CCDC179: variants seen among roughly 807,000 people sequenced by gnomAD.
The protein encoded by CCDC179 is coiled-coil domain-containing protein 179.
CCDC179 carries 17 observed loss-of-function variants against 12.0 expected under a neutral mutation model. The observed-to-expected ratio is 1.42, with a 90% CI of 0.97 to 2.13. The LOEUF is 2.13. CCDC179 is among the 30% of genes most tolerant of loss of function. The pLI is 0.00. For missense variants in CCDC179, 83 were observed against 78.6 expected (o/e 1.06, Z -0.21); for synonymous variants, 27 against 26.4 (o/e 1.02, Z -0.07).
At chr11:22,859,426 A>G in intron 2 of CCDC179, 26 bp downstream of exon 2, 2 of 1,456,148 alleles carry the variant, frequency 1.4e-6, no homozygotes, top group East Asian at 2.6e-5. Context: ...AAACAACCAG[A>G]ACCTAGTTCT....
At chr11:22,858,223 G>C (rs191828262) in intron 2 of CCDC179, 197 bp from the exon 3 acceptor site, 19 of 400,302 alleles carry the variant, frequency 4.7e-5, no homozygotes, top group African/African-American at 3.1e-4. Flanking sequence ...AAACCACATT[G>C]GAGCATCAGT....
At chr11:22,856,210 T>A (rs1050383246) in intron 3 of CCDC179, among the ~76,000 whole-genome samples, 1 of 151,376 alleles carries the variant, frequency 6.6e-6, no homozygotes, top group Admixed American at 6.6e-5. Context: ...GAAAAAGATA[T>A]TAAAAGACAG....
intron 3 of CCDC179, among the ~76,000 whole-genome samples, chr11:22,853,347 A>G (rs1858456204): frequency 6.6e-6 from 1 of 152,180 alleles, no homozygotes; most frequent in Non-Finnish European, 1.5e-5. Flanking sequence ...AATTATGACA[A>G]ATATGCTAAG....
chr11:22,859,402 C>A, intron 2 of CCDC179, 50 bp downstream of exon 2: 1 of 1,302,262 alleles, frequency 7.7e-7, no homozygotes, highest in Non-Finnish European at 1.0e-6. Flanking sequence ...GAACAAGTTA[C>A]AAGCACAATG....
Position 22,860,467 on chromosome 11 carries a change from G to A in CCDC179, c.-46C>T. 6.6e-7 allele frequency: 1 copy of A among 1,513,284 alleles called. No homozygotes were observed. The highest frequency in any genetic ancestry group is 8.8e-7 in the Non-Finnish European group (1 of 1,135,700). 93.7% of individuals were successfully genotyped at this position (1,513,284 alleles called of 1,614,324 possible). A position where few individuals can be genotyped will look rare whatever the true frequency, so the allele number is the denominator to read the frequency against. On this transcript the variant is annotated 5_prime_UTR_variant, in exon 1 of 4. Transcript: ENST00000532798. ...CCCCTGACGCCTACTGCCTGTCCTGGACCAAATGATTATGGGGCCCCACAC... is the reference window on the plus strand; with the variant it reads ...CCCCTGACGCCTACTGCCTGTCCTGAACCAAATGATTATGGGGCCCCACAC...
intron 3 of CCDC179, among the ~76,000 whole-genome samples, chr11:22,856,068 A>C (rs1858523514): frequency 6.6e-6 from 1 of 151,484 alleles, no homozygotes; most frequent in East Asian, 1.9e-4. Flanking sequence ...CTAAACCCAG[A>C]TGGTTTCACT....
At chr11:22,850,407 G>C (rs1004303585) in intron 3 of CCDC179, among the ~76,000 whole-genome samples, 1 of 152,076 alleles carries the variant, frequency 6.6e-6, no homozygotes, top group Non-Finnish European at 1.5e-5. Context: ...CTTCATCCAG[G>C]TTGCTGCGAA....
chr11:22,847,471 G>T lies in CCDC179; in HGVS notation c.*39C>A. On this transcript the variant is annotated 3_prime_UTR_variant, in exon 4 of 4. Coordinates refer to ENST00000532798, the MANE Select transcript of CCDC179 (RefSeq NM_001195637.2). ...TGATGTTCACAATCCACATATTTCT[G>T]TCTGGAGCATGGTTTCCTTCAAATA... 7.3e-7 allele frequency: 1 copy of T among 1,361,886 alleles called. No individual in the cohort carries two copies. The highest frequency in any genetic ancestry group is 9.8e-7 in the Non-Finnish European group (1 of 1,019,420). 84.4% of individuals were successfully genotyped at this position (1,361,886 alleles called of 1,614,324 possible). A position where few individuals can be genotyped will look rare whatever the true frequency, so the allele number is the denominator to read the frequency against.
At chr11:22,853,612 A>G (rs1407466958) in intron 3 of CCDC179, among the ~76,000 whole-genome samples, 1 of 151,682 alleles carries the variant, frequency 6.6e-6, no homozygotes, top group East Asian at 1.9e-4. Context: ...TTATTCAAGA[A>G]CTGAGCAACA....
At chr11:22,854,436 G>A (rs903253357) in intron 3 of CCDC179, among the ~76,000 whole-genome samples, 2 of 151,758 alleles carry the variant, frequency 1.3e-5, no homozygotes, top group African/African-American at 4.8e-5. Context: ...AAAGGGGAAT[G>A]GGAATACTAT....
chr11:22,849,983 G>T (rs1457727616), intron 3 of CCDC179, among the ~76,000 whole-genome samples: 1 of 152,108 alleles, frequency 6.6e-6, no homozygotes, highest in African/African-American at 2.4e-5. Context: ...GGAGGCGTCT[G>T]ATTTACATAG....
At chr11:22,848,768 TAAC>T (rs1406561903) in intron 3 of CCDC179, among the ~76,000 whole-genome samples, 1 of 152,178 alleles carries the variant, frequency 6.6e-6, no homozygotes, top group East Asian at 1.9e-4. Flanking sequence ...TGAGAAGAAT[TAAC>T]AAAGATTAAA....
intron 3 of CCDC179, among the ~76,000 whole-genome samples, chr11:22,851,438 G>C (rs899416670): frequency 6.6e-6 from 1 of 152,134 alleles, no homozygotes; most frequent in African/African-American, 2.4e-5. Context: ...TCTCTTCAGG[G>C]CAGCAAGGAA....
rs558588405 is a variant in CCDC179 at position 22,853,791 on chromosome 11, C to T, written c.195+4131G>A. 4.0e-5 allele frequency among the ~76,000 whole-genome samples: 6 copies of T among 151,822 alleles called. No homozygotes were observed. In the South Asian group the frequency reaches 1.2e-3, roughly 32 times the overall value. On this transcript the variant is annotated intron_variant, in intron 3 of 3. Transcript: ENST00000532798. ...ATATTGACATAATAATAGATGTGAA[C>T]CTTCTAAAGTTAATGATAGACAACA...
chr11:22,850,940 CTATA>C lies in CCDC179; in HGVS notation c.196-3423_196-3420del, dbSNP rs1180035208. Among the ~76,000 whole-genome samples the C allele has an allele frequency of 9.6e-3, 159 of 16,510 alleles. 7 individuals are homozygous for C. Among genetic ancestry groups the C allele is most frequent in the Middle Eastern group, 0.2 (2 of 10 alleles). 10.8% of individuals were successfully genotyped at this position (16,510 alleles called of 152,430 possible). On this transcript the variant is annotated intron_variant, in intron 3 of 3. Transcript: ENST00000532798. ...AAGGGGAAAATATATGTTGCATAGG[CTATA>C]TATATATATATATATATATATATAT...
intron 3 of CCDC179, among the ~76,000 whole-genome samples, chr11:22,855,942 A>C (rs1858519744): frequency 6.6e-6 from 1 of 151,432 alleles, no homozygotes. Context: ...AAAACTGACT[A>C]AATCTAAAAA....
intron 3 of CCDC179, among the ~76,000 whole-genome samples, chr11:22,851,924 T>G (rs1858413476): frequency 6.6e-6 from 1 of 152,208 alleles, no homozygotes; most frequent in Non-Finnish European, 1.5e-5. Context: ...GAACAATCTT[T>G]TTTTTTGCTT....
rs1299758262 is a variant in CCDC179 at position 22,850,961 on chromosome 11, TATATATATATATATA to T, written c.196-3455_196-3441del. ...TAGGCTATATATATATATATATATA[TATATATATATATATA>T]TTTTTTTTTTTTTTTTTTTTTTTTG... On this transcript the variant is annotated intron_variant, in intron 3 of 3. Coordinates refer to ENST00000532798, the MANE Select transcript of CCDC179 (RefSeq NM_001195637.2). 2.7e-3 allele frequency among the ~76,000 whole-genome samples: 45 copies of T among 16,656 alleles called. 3 individuals carry two copies. Among genetic ancestry groups the T allele is most frequent in the East Asian group, 3.7e-3 (2 of 540 alleles). 10.9% of individuals were successfully genotyped at this position (16,656 alleles called of 152,430 possible). A position where few individuals can be genotyped will look rare whatever the true frequency, so the allele number is the denominator to read the frequency against.
At chr11:22,849,783 A>C (rs2134827260) in intron 3 of CCDC179, among the ~76,000 whole-genome samples, 1 of 152,266 alleles carries the variant, frequency 6.6e-6, no homozygotes, top group South Asian at 2.1e-4. Context: ...TCTGGGGTAG[A>C]TACCCAGGGT....
Sources: gnomAD v4.1 joint callset for allele counts (sites outside exome capture counted in the v4.1 genomes callset) on GRCh38, gnomAD v4.1.1 for gene constraint, MANE v1.5 for transcripts, NCBI Gene and HGNC (gene_info 2026-07-23, HGNC 2026-07-21) for gene names.